Variants in TRAM2 observed in about 807,000 individuals in gnomAD.
TRAM2 encodes the protein translocating chain-associated membrane protein 2.
TRAM2 carries 12 observed loss-of-function variants against 51.0 expected under a neutral mutation model. The ratio of observed to expected loss-of-function variants is 0.24; its 90% CI spans 0.15 to 0.38. The LOEUF (loss-of-function observed/expected upper bound fraction) is 0.38, where lower values mean the gene tolerates loss of function less well. TRAM2 is among the 10% of genes least tolerant of loss of function. The pLI, the probability that TRAM2 is intolerant of heterozygous loss-of-function variation, is 1.00. For missense variants in TRAM2, 361 were observed against 462.0 expected (o/e 0.78, Z 2.00); for synonymous variants, 175 against 179.4 (o/e 0.98, Z 0.20).
At chr6:52,546,056 CCTGA>C (rs1265362773) in intron 1 of TRAM2, among the ~76,000 whole-genome samples, 1 of 152,094 alleles carries the variant, frequency 6.6e-6, no homozygotes, top group African/African-American at 2.4e-5. Context: ...TGGAGAGGCT[CCTGA>C]CTGTGAGAAC....
At chr6:52,529,565 G>A (rs1052851752) in intron 2 of TRAM2, 5 of 152,208 alleles carry the variant, frequency 3.3e-5, no homozygotes, top group African/African-American at 4.8e-5. Context: ...TGCCGATGGT[G>A]TTGGTCTACG....
chr6:52,515,914 G>A, intron 4 of TRAM2, 92 bp downstream of exon 4: 1 of 1,059,796 alleles, frequency 9.4e-7, no homozygotes, highest in East Asian at 2.4e-5. Context: ...AAGAGCAAGG[G>A]GTCCTTTGCA....
intron 1 of TRAM2, among the ~76,000 whole-genome samples, chr6:52,572,307 G>A (rs1020837185): frequency 6.6e-5 from 10 of 152,242 alleles, no homozygotes; most frequent in African/African-American, 2.4e-4. Context: ...AAGTGCATTA[G>A]AAGTTAGTCA....
intron 2 of TRAM2, among the ~76,000 whole-genome samples, chr6:52,520,915 TTTTTG>T (rs10649184): frequency 6.6e-5 from 10 of 151,700 alleles, no homozygotes; most frequent in South Asian, 4.2e-4. Context: ...ATCCTCCTAC[TTTTTG>T]TTTTGTTTTG....
At chr6:52,530,538 A>T (rs750847258) in intron 2 of TRAM2, among the ~76,000 whole-genome samples, 7 of 152,204 alleles carry the variant, frequency 4.6e-5, no homozygotes, top group Non-Finnish European at 1.0e-4. Context: ...GTCACCGTGG[A>T]GTAGGTTGGG....
intron 2 of TRAM2, chr6:52,524,221 GA>G (rs1490608677): frequency 6.6e-6 from 1 of 152,128 alleles, no homozygotes; most frequent in Non-Finnish European, 1.5e-5. Flanking sequence ...CACATTTTTA[GA>G]AAGTTGATGA....
intron 1 of TRAM2, among the ~76,000 whole-genome samples, chr6:52,541,261 C>T (rs777244623): frequency 4.6e-5 from 7 of 152,180 alleles, no homozygotes; most frequent in Non-Finnish European, 1.0e-4. Context: ...TTATCGAGTG[C>T]TTATTTGGTG....
chr6:52,517,778 T>TA (rs1766579122), intron 2 of TRAM2, among the ~76,000 whole-genome samples: 2 of 152,192 alleles, frequency 1.3e-5, no homozygotes, highest in South Asian at 4.1e-4. Flanking sequence ...TACCAGAAGG[T>TA]AGCCAGGCTC....
At chr6:52,515,231 G>A (rs1347343435) in intron 4 of TRAM2, among the ~76,000 whole-genome samples, 1 of 152,212 alleles carries the variant, frequency 6.6e-6, no homozygotes, top group East Asian at 1.9e-4. Context: ...AGGGGGCCAG[G>A]TTACAGGAAG....
At chr6:52,517,958 T>C (rs1766582134) in intron 2 of TRAM2, among the ~76,000 whole-genome samples, 1 of 152,164 alleles carries the variant, frequency 6.6e-6, no homozygotes, top group African/African-American at 2.4e-5. Context: ...TCAGACAAAC[T>C]TTCCTTTTTC....
intron 1 of TRAM2, among the ~76,000 whole-genome samples, chr6:52,559,326 A>G (rs139531349): frequency 4.3e-4 from 65 of 152,324 alleles, no homozygotes; most frequent in Middle Eastern, 3.4e-3. Context: ...TACTAGCTGT[A>G]TCATCTAGGG....
At chr6:52,511,025 CAGATT>C (rs1188284216) in intron 4 of TRAM2, among the ~76,000 whole-genome samples, 1 of 152,292 alleles carries the variant, frequency 6.6e-6, no homozygotes, top group Non-Finnish European at 1.5e-5. Context: ...GAAGGCAGAG[CAGATT>C]AGATTAGGAT....
chr6:52,541,002 C>G (rs1038517204), intron 1 of TRAM2, among the ~76,000 whole-genome samples: 1 of 152,208 alleles, frequency 6.6e-6, no homozygotes, highest in African/African-American at 2.4e-5. Context: ...AGGCCTTGAG[C>G]ATGCTTGTGT....
chr6:52,572,244 AG>A (rs1767691710), intron 1 of TRAM2, among the ~76,000 whole-genome samples: 2 of 152,350 alleles, frequency 1.3e-5, no homozygotes, highest in Middle Eastern at 6.8e-3. Flanking sequence ...AAAGGCTAAA[AG>A]GGAGATGCAT....
intron 2 of TRAM2, among the ~76,000 whole-genome samples, chr6:52,521,047 C>T (rs76856671): frequency 0.099 from 15,088 of 151,950 alleles, 1,389 homozygotes; most frequent in East Asian, 0.51. Flanking sequence ...GGATTACAGG[C>T]GCGGGCCACC....
intron 1 of TRAM2, among the ~76,000 whole-genome samples, chr6:52,575,612 C>T (rs778456033): frequency 6.6e-6 from 1 of 152,112 alleles, no homozygotes; most frequent in African/African-American, 2.4e-5. Flanking sequence ...CCTTGTCATT[C>T]GTAGAGATAC....
At chr6:52,544,489 T>C (rs1581694411) in intron 1 of TRAM2, among the ~76,000 whole-genome samples, 1 of 152,348 alleles carries the variant, frequency 6.6e-6, no homozygotes, top group East Asian at 1.9e-4. Context: ...GTCTCACTTC[T>C]GAATCACCTT....
At chr6:52,517,010 A>G (rs1562477753) in intron 2 of TRAM2, 4 of 403,980 alleles carry the variant, frequency 9.9e-6, no homozygotes, top group South Asian at 2.8e-5. Flanking sequence ...CACAGTGGTT[A>G]TAACAGAGCC....
intron 2 of TRAM2, among the ~76,000 whole-genome samples, chr6:52,529,385 T>C (rs1182014036): frequency 8.7e-6 from 1 of 115,388 alleles, no homozygotes; most frequent in East Asian, 3.1e-4. Flanking sequence ...AGGTTAGAAG[T>C]GTAGGATTAT....
Sources: gnomAD v4.1 joint callset for allele counts (sites outside exome capture counted in the v4.1 genomes callset) on GRCh38, gnomAD v4.1.1 for gene constraint, MANE v1.5 for transcripts, NCBI Gene and HGNC (gene_info 2026-07-23, HGNC 2026-07-21) for gene names.